OSMR: variants seen among roughly 807,000 people sequenced by gnomAD.
OSMR encodes the protein oncostatin-M-specific receptor subunit beta.
OSMR carries 81 observed loss-of-function variants against 99.9 expected under a neutral mutation model. That is an observed-to-expected ratio of 0.81 (90% CI 0.68 to 0.97). The LOEUF (loss-of-function observed/expected upper bound fraction) is 0.97, where lower values mean the gene tolerates loss of function less well. Among genes scored for constraint, OSMR ranks in the 50% least tolerant of loss-of-function variants. The pLI, the probability that OSMR is intolerant of heterozygous loss-of-function variation, is 0.00. For missense variants in OSMR, 1,099 were observed against 1,153.4 expected, an observed-to-expected ratio of 0.95 and a Z score of 0.68; for synonymous variants, 406 against 410.4, an observed-to-expected ratio of 0.99 and a Z score of 0.13.
chr5:38,944,599 T>C (rs950264079), intron 2 of OSMR: 1 of 1,541,284 alleles, frequency 6.5e-7, no homozygotes, highest in Non-Finnish European at 8.8e-7. Context: ...AAGTTAAATA[T>C]TATCTATGTC....
At chr5:38,862,825 G>T (rs1171363748) in intron 1 of OSMR, among the ~76,000 whole-genome samples, 1 of 151,064 alleles carries the variant, frequency 6.6e-6, no homozygotes, top group South Asian at 2.1e-4. Flanking sequence ...CTGGGAGGTG[G>T]AGGTTGTAGC....
chr5:38,879,451 G>A (rs1026877417), intron 3 of OSMR, among the ~76,000 whole-genome samples: 3 of 152,172 alleles, frequency 2.0e-5, no homozygotes, highest in Non-Finnish European at 4.4e-5. Context: ...GCTAGGAAGC[G>A]AGCTGTAGGG....
In OSMR at chr5:38,881,724, A is replaced by G; in HGVS notation, c.378A>G (p.Pro126=). 6.2e-7 allele frequency: 1 copy of G among 1,614,244 alleles called. No individual in the cohort carries two copies. Among genetic ancestry groups the G allele is most frequent in the Non-Finnish European group, 8.5e-7 (1 of 1,180,040 alleles). Residue 126 remains proline (P), a synonymous_variant, in exon 4 of 18, where the codon CCA becomes CCG. Transcript: ENST00000274276. ...SLVDDAKFPE[P]NFWSNWSSWE... ...TGGACGATGCCAAGTTCCCTGAGCC[A>G]AATTTCTGGAGCAACTGGAGTTCCT...
chr5:38,871,348 C>G (rs1376607601), intron 2 of OSMR, among the ~76,000 whole-genome samples: 2 of 152,238 alleles, frequency 1.3e-5, no homozygotes, highest in Non-Finnish European at 2.9e-5. Context: ...TTCTATCAAC[C>G]AATCTTCACT....
intron 7 of OSMR, 193 bp downstream of exon 7, chr5:38,886,383 A>G (rs1025100371): frequency 1.4e-6 from 2 of 1,407,286 alleles, no homozygotes; most frequent in Non-Finnish European, 1.8e-6. Flanking sequence ...TTCTTTTAAT[A>G]ATGTCACGAG....
chr5:38,881,339 T>G, intron 3 of OSMR: 1 of 249,222 alleles, frequency 4.0e-6, no homozygotes, highest in Non-Finnish European at 6.4e-6. Context: ...TCTCTCCCGC[T>G]TATTCCACAT....
At chr5:38,923,309 T>C (rs949211227) in intron 13 of OSMR, 55 bp downstream of exon 13, 40 of 1,117,652 alleles carry the variant, frequency 3.6e-5, no homozygotes, top group Admixed American at 2.6e-4. Flanking sequence ...GAACAATTCA[T>C]AGATTCCTAG....
chr5:38,878,523 C>T (rs1743011373), intron 3 of OSMR, among the ~76,000 whole-genome samples: 1 of 152,140 alleles, frequency 6.6e-6, no homozygotes, highest in Non-Finnish European at 1.5e-5. Context: ...CCTCCCCTTC[C>T]CTTTGCTTTT....
At chr5:38,915,715 G>C (rs947742257) in intron 9 of OSMR, among the ~76,000 whole-genome samples, 1 of 152,174 alleles carries the variant, frequency 6.6e-6, no homozygotes, top group African/African-American at 2.4e-5. Context: ...AAGAATTAAA[G>C]GGAAGTTTCA....
intron 2 of OSMR, among the ~76,000 whole-genome samples, chr5:38,874,750 G>A (rs1742671546): frequency 6.6e-6 from 1 of 152,132 alleles, no homozygotes. Context: ...CACAGGTGTT[G>A]GTATTAGAGA....
chr5:38,863,778 G>T (rs1741707229), intron 1 of OSMR, among the ~76,000 whole-genome samples: 1 of 152,132 alleles, frequency 6.6e-6, no homozygotes, highest in African/African-American at 2.4e-5. Flanking sequence ...AAATATTATT[G>T]TATTAGAGTC....
At chr5:38,940,793 G>C (rs942322991) in intron 1 of OSMR, 9 of 231,988 alleles carry the variant, frequency 3.9e-5, no homozygotes, top group Non-Finnish European at 6.0e-5. Context: ...ATCTCTGTGA[G>C]TTATGTTTTC....
intron 7 of OSMR, among the ~76,000 whole-genome samples, chr5:38,890,825 C>T (rs557699741): frequency 5.9e-5 from 9 of 151,936 alleles, no homozygotes; most frequent in South Asian, 2.1e-4. Context: ...AATTTGGTAC[C>T]GAGAAAAACA....
chr5:38,940,959 A>C (rs1289130134), intron 1 of OSMR: 1 of 232,582 alleles, frequency 4.3e-6, no homozygotes, highest in Non-Finnish European at 8.5e-6. Flanking sequence ...AAAGAATCCT[A>C]ATCAGTCCAG....
In OSMR at chr5:38,925,897, A is replaced by G. The variant is rs187509218; in HGVS notation, c.2212+526A>G. Among the ~76,000 whole-genome samples the G allele has an allele frequency of 6.0e-4, 91 of 152,324 alleles. 2 individuals carry two copies. In the Middle Eastern group the frequency reaches 0.014, roughly 23 times the overall value. ...AGTGGGGTGGGAATTGAGCAGGGGAATGGAATACTTGCTCACAAACTCCCT... is the reference window on the plus strand; with the variant it reads ...AGTGGGGTGGGAATTGAGCAGGGGAGTGGAATACTTGCTCACAAACTCCCT... On this transcript the variant is annotated intron_variant, in intron 15 of 17. Coordinates refer to ENST00000274276, the MANE Select transcript of OSMR (RefSeq NM_003999.3).
intron 9 of OSMR, among the ~76,000 whole-genome samples, chr5:38,910,899 A>G (rs1745536356): frequency 1.3e-5 from 2 of 152,164 alleles, no homozygotes; most frequent in South Asian, 4.1e-4. Flanking sequence ...AGTCCCAGCC[A>G]GTCGGGAGGC....
intron 15 of OSMR, among the ~76,000 whole-genome samples, chr5:38,930,600 C>T (rs1222840881): frequency 6.6e-6 from 1 of 152,150 alleles, no homozygotes; most frequent in Non-Finnish European, 1.5e-5. Context: ...TGTTTACCAA[C>T]CCAGCTGAAT....
intron 9 of OSMR, among the ~76,000 whole-genome samples, chr5:38,906,172 T>G (rs991521720): frequency 3.7e-4 from 9 of 24,436 alleles, no homozygotes; most frequent in Non-Finnish European, 5.6e-4. Context: ...ACGTTTTCTG[T>G]TTTTTTTTTG....
At chr5:38,907,699 C>A (rs960846663) in intron 9 of OSMR, among the ~76,000 whole-genome samples, 1 of 152,118 alleles carries the variant, frequency 6.6e-6, no homozygotes, top group African/African-American at 2.4e-5. Context: ...GGCACCTGAC[C>A]ATTGGAGATT....
Sources: allele counts gnomAD v4.1 joint callset (sites outside exome capture counted in the v4.1 genomes callset), GRCh38; gene constraint gnomAD v4.1.1; transcripts MANE v1.5; gene names NCBI Gene and HGNC (gene_info 2026-07-23, HGNC 2026-07-21).